Variants in FREM2 observed in about 807,000 individuals in gnomAD.
FREM2 encodes the protein FRAS1 related extracellular matrix 2.
FREM2 carries 119 observed loss-of-function variants against 219.9 expected under a neutral mutation model. That is an observed-to-expected ratio of 0.54 (90% CI 0.47 to 0.63). The LOEUF (loss-of-function observed/expected upper bound fraction) is 0.63, where lower values mean the gene tolerates loss of function less well. Among genes scored for constraint, FREM2 ranks in the 30% least tolerant of loss-of-function variants. The probability of loss-of-function intolerance (pLI) is 0.00; values close to 1 mark genes in which losing one functional copy is unlikely to be tolerated. For synonymous variants in FREM2, 1,562 were observed against 1,522.8 expected (o/e 1.03, Z -0.60); for missense variants, 4,030 against 3,993.6 (o/e 1.01, Z -0.25).
At chr13:38,803,006 T>C (rs1266738829) in intron 6 of FREM2, among the ~76,000 whole-genome samples, 2 of 152,174 alleles carry the variant, frequency 1.3e-5, no homozygotes, top group Non-Finnish European at 2.9e-5. Flanking sequence ...ATTGCTTCTC[T>C]GTTGAATCCC....
intron 6 of FREM2, among the ~76,000 whole-genome samples, chr13:38,824,140 G>C (rs1380433115): frequency 1.3e-5 from 2 of 152,148 alleles, no homozygotes; most frequent in East Asian, 1.9e-4. Flanking sequence ...GTAGTATTGT[G>C]GGAAAGATAT....
chr13:38,752,496 T>A (rs1232596587), intron 2 of FREM2, among the ~76,000 whole-genome samples: 1 of 152,210 alleles, frequency 6.6e-6, no homozygotes, highest in Admixed American at 6.5e-5. Context: ...GAGTTAAGAT[T>A]CACTCACAGT....
At chr13:38,722,503 A>G (rs1871320867) in intron 2 of FREM2, among the ~76,000 whole-genome samples, 1 of 152,088 alleles carries the variant, frequency 6.6e-6, no homozygotes, top group Non-Finnish European at 1.5e-5. Flanking sequence ...GATTTCACTG[A>G]CTAAGCTAAG....
In FREM2 at chr13:38,690,289, C is replaced by T; in HGVS notation, c.2945C>T (p.Thr982Ile). 1.9e-6 allele frequency: 3 copies of T among 1,614,180 alleles called. No individual in the cohort carries two copies. The highest frequency in any genetic ancestry group is 2.5e-6 in the Non-Finnish European group (3 of 1,179,994). Residue 982 changes from threonine to isoleucine, a missense_variant, in exon 1 of 24, where the codon ACT (threonine) becomes ATT (isoleucine). Thr to Ile is a moderately conservative substitution (Grantham distance 89). Transcript: ENST00000280481. Reference protein sequence around the residue: ...TNEETDDLMLTFLLEDPPLYG... With the variant: ...TNEETDDLMLIFLLEDPPLYG... ...GAGGAAACTGATGACTTGATGTTGACTTTCCTCTTGGAAGATCCACCTTTG... is the reference window on the plus strand; with the variant it reads ...GAGGAAACTGATGACTTGATGTTGATTTTCCTCTTGGAAGATCCACCTTTG...
In FREM2 at chr13:38,687,403, T is replaced by A. The variant is rs1204744626; in HGVS notation, c.59T>A (p.Phe20Tyr). 1 of 1,608,570 alleles carries A rather than the reference T, an allele frequency of 6.2e-7. No homozygotes were observed. ...CGCCGGACAGGCAACTCCACCAGCT[T>A]TCAACCAGGACCGCCACCGCCGCCC... is the stretch of plus-strand genomic sequence containing the variant. ...SSRRTGNSTSFQPGPPPPPRL... is the reference protein window; with the variant it reads ...SSRRTGNSTSYQPGPPPPPRL... Residue 20 changes from phenylalanine (F) to tyrosine (Y), a missense_variant, in exon 1 of 24, where the codon TTT becomes TAT. By Grantham distance (22) the Phe-to-Tyr change is conservative. Transcript: ENST00000280481.
intron 2 of FREM2, among the ~76,000 whole-genome samples, chr13:38,735,164 A>G (rs1871938854): frequency 2.0e-5 from 3 of 152,214 alleles, no homozygotes; most frequent in African/African-American, 7.2e-5. Flanking sequence ...ATTTATATGA[A>G]GAAACCTCAG....
Position 38,689,710 on chromosome 13 carries a change from C to T in FREM2, c.2366C>T (p.Pro789Leu), listed in dbSNP as rs377001164. The part of the protein sequence containing the change: ...INHHKIAYRP[P>L]GQELGVATRV... The stretch of plus-strand genomic sequence containing the variant: ...CATCATAAAATTGCTTACAGACCCC[C>T]GGGTCAAGAACTGGGCGTGGCTACT... Residue 789 changes from proline (P) to leucine (L), a missense_variant, in exon 1 of 24, where the codon CCG becomes CTG. By Grantham distance (98) the Pro-to-Leu change is moderately conservative (BLOSUM62 -3). Around this residue, in one of 2 missense-constraint regions of FREM2, gnomAD observed 3,102 missense variants for 2,950.7 expected, o/e 1.05. Transcript: ENST00000280481. 50 of 1,613,776 alleles carry T rather than the reference C, an allele frequency of 3.1e-5. No homozygotes were observed. Among genetic ancestry groups the T allele is most frequent in the Middle Eastern group, 3.3e-4 (2 of 6,080 alleles).
rs762349846 is a variant in FREM2 at position 38,872,798 on chromosome 13, C to T, written c.8040C>T (p.Tyr2680=). Residue 2680 remains tyrosine (Y), a synonymous_variant, in exon 17 of 24, where the codon TAC becomes TAT. Coordinates refer to ENST00000280481, the MANE Select transcript of FREM2 (RefSeq NM_207361.6). Reference sequence around the variant, plus strand: ...TTCGAGTCCCTCTGTATGTTTCCTACGTGTTCCATTCCCCCGTGGGGGTAG... The same window carrying T: ...TTCGAGTCCCTCTGTATGTTTCCTATGTGTTCCATTCCCCCGTGGGGGTAG... ...VTLRVPLYVS[Y]VFHSPVGVGG... The T allele has an allele frequency of 9.9e-6, 16 of 1,613,932 alleles. No individual in the cohort carries two copies. Among genetic ancestry groups the T allele is most frequent in the South Asian group, 6.6e-5 (6 of 91,086 alleles).
Position 38,886,842 on chromosome 13 carries a change from CTG to C in FREM2, c.*6061_*6062del, listed in dbSNP as rs1267643638. The C allele has an allele frequency of 6.6e-6, 1 of 152,112 alleles. No individual in the cohort carries two copies. 9.4% of individuals were successfully genotyped at this position (152,112 alleles called of 1,614,324 possible). ...TTTATCTAGCCTCTGAGTGACATAT[CTG>C]TGTGTAATGGAATTATTTGCAGAAT... On this transcript the variant is annotated 3_prime_UTR_variant, in exon 24 of 24. Coordinates refer to ENST00000280481, the MANE Select transcript of FREM2 (RefSeq NM_207361.6).
chr13:38,800,628 T>C (rs1874972637), intron 6 of FREM2, among the ~76,000 whole-genome samples: 1 of 152,082 alleles, frequency 6.6e-6, no homozygotes, highest in African/African-American at 2.4e-5. Flanking sequence ...TCGTCTGTTA[T>C]TCTGTTAAGT....
At chr13:38,815,082 A>G (rs1875711968) in intron 6 of FREM2, among the ~76,000 whole-genome samples, 1 of 152,072 alleles carries the variant, frequency 6.6e-6, no homozygotes, top group Non-Finnish European at 1.5e-5. Context: ...GCTGGTGCTG[A>G]TTTTTGGCTC....
At chr13:38,758,763 A>G (rs1873115855) in intron 2 of FREM2, among the ~76,000 whole-genome samples, 1 of 152,244 alleles carries the variant, frequency 6.6e-6, no homozygotes, top group Non-Finnish European at 1.5e-5. Flanking sequence ...TTTAACTTTA[A>G]TTTTAGATCT....
At chr13:38,802,181 CG>C (rs1162404589) in intron 6 of FREM2, among the ~76,000 whole-genome samples, 1 of 152,168 alleles carries the variant, frequency 6.6e-6, no homozygotes. Context: ...GTTGTTCCCC[CG>C]CCACCAGTGG....
chr13:38,725,619 G>GT (rs1871486537), intron 2 of FREM2, among the ~76,000 whole-genome samples: 2 of 152,188 alleles, frequency 1.3e-5, no homozygotes, highest in South Asian at 4.1e-4. Context: ...TGCAGCTGAA[G>GT]TAAAGTAACC....
chr13:38,876,635 T>C (rs1220184925), intron 20 of FREM2, among the ~76,000 whole-genome samples: 1 of 152,178 alleles, frequency 6.6e-6, no homozygotes, highest in Admixed American at 6.6e-5. Context: ...TCTGATCTTA[T>C]CTTGTGTCCT....
At chr13:38,863,633 C>A (rs1877844550) in intron 15 of FREM2, among the ~76,000 whole-genome samples, 1 of 152,036 alleles carries the variant, frequency 6.6e-6, no homozygotes, top group Non-Finnish European at 1.5e-5. Flanking sequence ...TAACTGGATT[C>A]TCTGCTTCTG....
In FREM2 at chr13:38,692,397, A is replaced by G. The variant is rs1332866408; in HGVS notation, c.5053A>G (p.Lys1685Glu). The change falls in exon 1 of 24, where the codon AAA (lysine) becomes GAA (glutamate). Residue 1685 changes from lysine to glutamate, a missense_variant. This residue lies in a region of FREM2 where 3,102 missense variants were observed against 2,950.7 expected (regional missense o/e 1.05). Transcript: ENST00000280481. ...GTTCATGATCACAAGCAAAATATTG[A>G]AAGTGGAGGACAGAGACAGCTTACA... ...LGFMITSKIL[K>E]VEDRDSLHIS... 1.2e-6 allele frequency: 2 copies of G among 1,610,352 alleles called. No homozygotes were observed. The highest frequency in any genetic ancestry group is 2.2e-5 in the South Asian group (2 of 90,844).
Position 38,780,791 on chromosome 13 carries a change from T to C in FREM2, c.5642-2279T>C, listed in dbSNP as rs552988809. ...ATTTTGGAACAACCAGACAGAACCA[T>C]ATATGCACCTCTAACCATAGGATAC... On this transcript the variant is annotated intron_variant, in intron 4 of 23. Transcript: ENST00000280481. 2.0e-5 allele frequency among the ~76,000 whole-genome samples: 3 copies of C among 152,286 alleles called. No homozygotes were observed. In the South Asian group the frequency reaches 6.2e-4, roughly 32 times the overall value.
intron 13 of FREM2, among the ~76,000 whole-genome samples, chr13:38,858,962 G>A (rs572770934): frequency 9.8e-4 from 134 of 137,210 alleles, no homozygotes; most frequent in African/African-American, 3.3e-3. Context: ...TACTGGATAA[G>A]GGGGGTAAGA....
Sources: allele counts gnomAD v4.1 joint callset (sites outside exome capture counted in the v4.1 genomes callset), GRCh38; gene constraint gnomAD v4.1.1; regional missense constraint gnomAD v4.1.1; transcripts MANE v1.5; gene names NCBI Gene and HGNC (gene_info 2026-07-23, HGNC 2026-07-21).